Variants in MALRD1 observed in about 807,000 individuals in gnomAD.
The protein encoded by MALRD1 is MAM and LDL-receptor class A domain-containing protein 1.
MALRD1 carries 247 observed loss-of-function variants against 242.1 expected under a neutral mutation model. That is an observed-to-expected ratio of 1.02 (90% CI 0.92 to 1.13). The LOEUF is 1.13. Among genes scored for constraint, MALRD1 ranks in the 50% most tolerant of loss-of-function variants. The pLI, the probability that MALRD1 is intolerant of heterozygous loss-of-function variation, is 0.00. For missense variants in MALRD1, 2,989 were observed against 2,533.1 expected, an observed-to-expected ratio of 1.18 and a Z score of -3.86; for synonymous variants, 995 against 866.6, an observed-to-expected ratio of 1.15 and a Z score of -2.60.
chr10:19,410,985 T>C (rs1404273470), intron 28 of MALRD1, among the ~76,000 whole-genome samples: 1 of 152,166 alleles, frequency 6.6e-6, no homozygotes, highest in Non-Finnish European at 1.5e-5. Flanking sequence ...GCATTTTTGG[T>C]AAATGTGCTA....
intron 14 of MALRD1, among the ~76,000 whole-genome samples, chr10:19,196,532 C>CT (rs1285758994): frequency 1.2e-5 from 1 of 83,642 alleles, no homozygotes; most frequent in Non-Finnish European, 2.3e-5. Flanking sequence ...GGGCACCACT[C>CT]TTTGTTTTTT....
intron 5 of MALRD1, among the ~76,000 whole-genome samples, chr10:19,106,023 T>A (rs1836449585): frequency 6.6e-6 from 1 of 151,954 alleles, no homozygotes; most frequent in South Asian, 2.1e-4. Context: ...TTTGATGTAA[T>A]CTCATTTTTT....
intron 31 of MALRD1, among the ~76,000 whole-genome samples, chr10:19,524,432 G>A (rs752611883): frequency 2.0e-5 from 3 of 151,910 alleles, no homozygotes; most frequent in Non-Finnish European, 4.4e-5. Context: ...AGCCAAGATT[G>A]TGCCACTGCA....
intron 33 of MALRD1, among the ~76,000 whole-genome samples, chr10:19,593,723 G>C (rs1247007314): frequency 2.0e-5 from 3 of 152,156 alleles, no homozygotes; most frequent in African/African-American, 7.2e-5. Context: ...GTCAGCCTCT[G>C]CTTTAAGTTT....
chr10:19,527,039 C>T (rs1162283150), intron 31 of MALRD1, among the ~76,000 whole-genome samples: 1 of 152,070 alleles, frequency 6.6e-6, no homozygotes, highest in African/African-American at 2.4e-5. Context: ...TTTAAGAAAG[C>T]AATAATACAT....
intron 32 of MALRD1, among the ~76,000 whole-genome samples, chr10:19,559,963 G>A (rs11010345): frequency 0.036 from 5,529 of 152,266 alleles, 160 homozygotes; most frequent in Middle Eastern, 0.085. Context: ...CACCAGAATG[G>A]TGATCATTAA....
At chr10:19,559,211 A>G (rs1371536924) in intron 32 of MALRD1, among the ~76,000 whole-genome samples, 2 of 151,756 alleles carry the variant, frequency 1.3e-5, no homozygotes, top group African/African-American at 2.4e-5. Context: ...GATGATAATA[A>G]TATTTTTCAT....
intron 19 of MALRD1, among the ~76,000 whole-genome samples, chr10:19,269,136 T>A (rs368768964): frequency 6.6e-6 from 1 of 152,088 alleles, no homozygotes; most frequent in African/African-American, 2.4e-5. Flanking sequence ...TAAGCAATTA[T>A]AGGCCAACAA....
chr10:19,665,703 C>T (rs1841647789), intron 36 of MALRD1, among the ~76,000 whole-genome samples: 2 of 152,066 alleles, frequency 1.3e-5, no homozygotes, highest in Non-Finnish European at 1.5e-5. Flanking sequence ...CTTCTCTATG[C>T]TTTTGCTCTC....
At chr10:19,174,124 C>G (rs1835122525) in intron 13 of MALRD1, among the ~76,000 whole-genome samples, 1 of 152,090 alleles carries the variant, frequency 6.6e-6, no homozygotes. Context: ...AGAATATGAT[C>G]TCATTGTAAA....
intron 2 of MALRD1, among the ~76,000 whole-genome samples, chr10:19,076,116 A>G (rs1010440293): frequency 6.6e-6 from 1 of 151,642 alleles, no homozygotes; most frequent in African/African-American, 2.4e-5. Flanking sequence ...TATGTGTTTA[A>G]CTTTTTTATT....
intron 36 of MALRD1, among the ~76,000 whole-genome samples, chr10:19,619,789 A>G (rs566380216): frequency 1.3e-5 from 2 of 152,176 alleles, no homozygotes; most frequent in South Asian, 2.1e-4. Context: ...CAAGATATCA[A>G]AACTAAATTA....
chr10:19,414,985 T>A (rs1833454566), intron 28 of MALRD1, among the ~76,000 whole-genome samples: 1 of 152,192 alleles, frequency 6.6e-6, no homozygotes, highest in Non-Finnish European at 1.5e-5. Flanking sequence ...CTTGAACTCA[T>A]AACACTTTTT....
intron 33 of MALRD1, among the ~76,000 whole-genome samples, chr10:19,583,154 T>C (rs1447792091): frequency 7.0e-6 from 1 of 143,256 alleles, no homozygotes; most frequent in Admixed American, 6.9e-5. Context: ...AGATATACAA[T>C]CATGTCATCT....
intron 24 of MALRD1, among the ~76,000 whole-genome samples, chr10:19,336,358 A>T (rs1275688067): frequency 6.6e-6 from 1 of 152,176 alleles, no homozygotes; most frequent in Non-Finnish European, 1.5e-5. Context: ...AAATGTTTTA[A>T]CTTTGTGCTG....
At chr10:19,386,643 A>T (rs1261608966) in intron 26 of MALRD1, among the ~76,000 whole-genome samples, 1 of 152,098 alleles carries the variant, frequency 6.6e-6, no homozygotes, top group Non-Finnish European at 1.5e-5. Flanking sequence ...AATATTTACT[A>T]ATCACATAGT....
intron 2 of MALRD1, among the ~76,000 whole-genome samples, chr10:19,075,271 C>T (rs1320241771): frequency 6.6e-6 from 1 of 151,966 alleles, no homozygotes; most frequent in Non-Finnish European, 1.5e-5. Context: ...TCTGGTTATT[C>T]AATCAAAGAC....
chr10:19,592,009 A>G (rs996056596), intron 33 of MALRD1, among the ~76,000 whole-genome samples: 4 of 152,232 alleles, frequency 2.6e-5, no homozygotes, highest in Admixed American at 2.6e-4. Flanking sequence ...CCTCTTGGCT[A>G]AGAGACTACC....
intron 10 of MALRD1, among the ~76,000 whole-genome samples, chr10:19,137,811 A>T (rs1459153304): frequency 6.6e-6 from 1 of 152,192 alleles, no homozygotes; most frequent in African/African-American, 2.4e-5. Flanking sequence ...TGATTCTCAT[A>T]TGAGGTAACT....
Sources: gnomAD v4.1 joint callset for allele counts (sites outside exome capture counted in the v4.1 genomes callset) on GRCh38, gnomAD v4.1.1 for gene constraint, MANE v1.5 for transcripts, NCBI Gene and HGNC (gene_info 2026-07-23, HGNC 2026-07-21) for gene names.